The following ARHGAP15 variants were observed in gnomAD, a reference collection of about 807,000 sequenced individuals.
ARHGAP15 encodes the protein Rho GTPase activating protein 15, also known as rho GTPase-activating protein 15.
ARHGAP15 carries 51 observed loss-of-function variants against 63.7 expected under a neutral mutation model. The ratio of observed to expected loss-of-function variants is 0.80; its 90% CI spans 0.64 to 1.01. The LOEUF is 1.01. Among genes scored for constraint, ARHGAP15 ranks in the 50% least tolerant of loss-of-function variants. The pLI is 0.00. For synonymous variants in ARHGAP15, 191 were observed against 193.8 expected (o/e 0.99, Z 0.12); for missense variants, 560 against 564.6 (o/e 0.99, Z 0.08).
chr2:143,584,648 C>T (rs1697037903), intron 11 of ARHGAP15, among the ~76,000 whole-genome samples: 1 of 151,898 alleles, frequency 6.6e-6, no homozygotes, highest in Non-Finnish European at 1.5e-5. Flanking sequence ...ACAACAACAA[C>T]AATATAGAAA....
At chr2:143,226,032 A>G (rs752821838) in intron 4 of ARHGAP15, among the ~76,000 whole-genome samples, 3 of 152,246 alleles carry the variant, frequency 2.0e-5, no homozygotes, top group Non-Finnish European at 4.4e-5. Flanking sequence ...TTTATAGTTT[A>G]TAAATTCAAA....
intron 5 of ARHGAP15, among the ~76,000 whole-genome samples, chr2:143,233,817 G>A (rs1028135345): frequency 1.3e-5 from 2 of 151,680 alleles, no homozygotes; most frequent in African/African-American, 4.8e-5. Flanking sequence ...GCTAATTTTG[G>A]TATATTTAGT....
chr2:143,733,070 T>TC (rs1007190834), intron 13 of ARHGAP15, among the ~76,000 whole-genome samples: 4 of 152,164 alleles, frequency 2.6e-5, no homozygotes, highest in Non-Finnish European at 4.4e-5. Context: ...AAAGTCTTTG[T>TC]CCAGGATTTC....
intron 6 of ARHGAP15, among the ~76,000 whole-genome samples, chr2:143,307,528 G>GT (rs1683229357): frequency 6.6e-6 from 1 of 152,078 alleles, no homozygotes; most frequent in South Asian, 2.1e-4. Flanking sequence ...GGTATCATCA[G>GT]TTAATACATT....
rs1684176766 is a variant in ARHGAP15, at chr2:143,703,365, G to A, written c.1139-54G>A. On this transcript the variant is annotated intron_variant, in intron 12 of 13. Transcript: ENST00000295095. ...CTCAAGAAAATTTTCTCATGTACCT[G>A]TACCTATGAAATCTTGTTTTTTCCC... is the stretch of plus-strand genomic sequence containing the variant. 3 of 1,476,378 alleles carry A rather than the reference G, an allele frequency of 2.0e-6. No individual in the cohort carries two copies. In the South Asian group the frequency reaches 3.7e-5, roughly 18 times the overall value. The allele number at this position is 1,476,378 out of a possible 1,614,324, so 91.5% of individuals were successfully genotyped here. A position where few individuals can be genotyped will look rare whatever the true frequency, so the allele number is the denominator to read the frequency against.
At chr2:143,344,689 G>C (rs1294527729) in intron 6 of ARHGAP15, among the ~76,000 whole-genome samples, 1 of 152,102 alleles carries the variant, frequency 6.6e-6, no homozygotes, top group Non-Finnish European at 1.5e-5. Flanking sequence ...GGCTTGAAAA[G>C]AACACTGTAT....
intron 5 of ARHGAP15, among the ~76,000 whole-genome samples, chr2:143,243,263 G>A (rs1232888817): frequency 6.6e-6 from 1 of 152,120 alleles, no homozygotes; most frequent in African/African-American, 2.4e-5. Context: ...AAGTATTACA[G>A]AGAAAATACT....
intron 10 of ARHGAP15, among the ~76,000 whole-genome samples, chr2:143,545,097 T>C (rs905936346): frequency 3.3e-5 from 5 of 152,222 alleles, no homozygotes; most frequent in Admixed American, 2.0e-4. Context: ...AGGACTTTGC[T>C]GATGGTTAGT....
intron 6 of ARHGAP15, among the ~76,000 whole-genome samples, chr2:143,272,958 T>G (rs1191897482): frequency 6.6e-6 from 1 of 152,148 alleles, no homozygotes; most frequent in Non-Finnish European, 1.5e-5. Context: ...CATCTCCAAG[T>G]TTGACAATGG....
intron 6 of ARHGAP15, among the ~76,000 whole-genome samples, chr2:143,296,097 T>C (rs1282557972): frequency 6.6e-6 from 1 of 151,958 alleles, no homozygotes; most frequent in Non-Finnish European, 1.5e-5. Flanking sequence ...TCACTTCCCA[T>C]CCCTGCTCTC....
At chr2:143,396,858 G>A (rs147798777) in intron 6 of ARHGAP15, among the ~76,000 whole-genome samples, 1 of 152,126 alleles carries the variant, frequency 6.6e-6, no homozygotes, top group East Asian at 1.9e-4. Context: ...GTAGGAATAT[G>A]TATATAGCTC....
intron 6 of ARHGAP15, among the ~76,000 whole-genome samples, chr2:143,419,597 AT>A (rs200789280): frequency 0.012 from 1,754 of 151,562 alleles, 22 homozygotes; most frequent in African/African-American, 0.031. Context: ...GTTAAAAAAA[AT>A]AATAAGATAC....
At position 143,136,899 on chromosome 2, in the gene ARHGAP15, G is replaced by T. The variant is rs565344113; in HGVS notation, c.-15+7433G>T. ...ATTAGATATTAAGCAAGAGGTATAG[G>T]TACATCAGAATATCTTGAATTCAAT... On this transcript the variant is annotated intron_variant, in intron 1 of 13. Coordinates refer to ENST00000295095, the MANE Select transcript of ARHGAP15 (RefSeq NM_018460.4). Among the ~76,000 whole-genome samples, 30 of 152,076 alleles carry T rather than the reference G, an allele frequency of 2.0e-4. No homozygotes were observed. The South Asian group carries it at 6.0e-3, about 31-fold the overall frequency.
chr2:143,756,563 A>T (rs1686583956), intron 13 of ARHGAP15, among the ~76,000 whole-genome samples: 1 of 152,196 alleles, frequency 6.6e-6, no homozygotes. Flanking sequence ...AGCTCAGGGA[A>T]TAAAGATTAA....
At chr2:143,223,007 C>T (rs1020759993) in intron 4 of ARHGAP15, among the ~76,000 whole-genome samples, 20 of 152,034 alleles carry the variant, frequency 1.3e-4, no homozygotes, top group Non-Finnish European at 2.1e-4. Flanking sequence ...GACTGAGTCT[C>T]GCTCTGTCAC....
At chr2:143,540,225 T>C (rs868603295) in intron 10 of ARHGAP15, among the ~76,000 whole-genome samples, 2 of 152,224 alleles carry the variant, frequency 1.3e-5, no homozygotes, top group South Asian at 4.1e-4. Flanking sequence ...TTGTTTTCCA[T>C]TTGCTTGGTA....
At chr2:143,189,681 C>G (rs549674444) in intron 2 of ARHGAP15, among the ~76,000 whole-genome samples, 2 of 151,774 alleles carry the variant, frequency 1.3e-5, no homozygotes, top group African/African-American at 4.8e-5. Context: ...AGGCTGGTAT[C>G]GAACTCCTGA....
At chr2:143,595,710 A>G (rs769025626) in intron 11 of ARHGAP15, among the ~76,000 whole-genome samples, 3 of 152,088 alleles carry the variant, frequency 2.0e-5, no homozygotes, top group Non-Finnish European at 4.4e-5. Context: ...ATTTGCTTTA[A>G]TATCTTGCCC....
chr2:143,206,097 C>T (rs1266579575), intron 3 of ARHGAP15, among the ~76,000 whole-genome samples: 2 of 152,156 alleles, frequency 1.3e-5, no homozygotes, highest in Non-Finnish European at 2.9e-5. Context: ...AGACATGGCT[C>T]TTACCCTGAA....
Sources: allele counts gnomAD v4.1 joint callset (sites outside exome capture counted in the v4.1 genomes callset), GRCh38; gene constraint gnomAD v4.1.1; transcripts MANE v1.5; gene names NCBI Gene and HGNC (gene_info 2026-07-23, HGNC 2026-07-21).